Variants in EXOC4 observed in about 807,000 individuals in gnomAD.
EXOC4 encodes exocyst complex component 4.
EXOC4 carries 71 observed loss-of-function variants against 107.2 expected under a neutral mutation model. That is an observed-to-expected ratio of 0.66 (90% CI 0.55 to 0.81). EXOC4 has a LOEUF of 0.81. Ranked by LOEUF, EXOC4 falls within the 30% of genes least tolerant of loss-of-function variation. The pLI is 0.00. For missense variants in EXOC4, 1,108 were observed against 1,189.6 expected (o/e 0.93, Z 1.01); for synonymous variants, 456 against 441.2 (o/e 1.03, Z -0.42).
intron 5 of EXOC4, among the ~76,000 whole-genome samples, chr7:133,337,417 A>AT (rs1186755612): frequency 6.6e-6 from 1 of 151,494 alleles, no homozygotes; most frequent in African/African-American, 2.4e-5. Context: ...TTTTCTTATA[A>AT]TTTTTTCTGT....
the EXOC4 span, among the ~76,000 whole-genome samples, chr7:134,092,104 A>G: frequency 1.3e-5 from 2 of 152,176 alleles, no homozygotes; most frequent in Non-Finnish European, 2.9e-5. Context: ...AGAGTTAACT[A>G]CATTACATTA....
chr7:133,423,417 T>C (rs189900314), intron 7 of EXOC4, among the ~76,000 whole-genome samples: 1 of 152,306 alleles, frequency 6.6e-6, no homozygotes. Context: ...AGGTAAGCAA[T>C]ATGTACGCCA....
downstream of EXOC4, among the ~76,000 whole-genome samples, chr7:134,069,866 G>A (rs1259663147): frequency 2.0e-5 from 3 of 152,152 alleles, no homozygotes; most frequent in Admixed American, 6.5e-5. Context: ...ACTTTGGTGT[G>A]TAGCTGTGGC....
At chr7:133,537,844 A>G (rs1712506508) in intron 9 of EXOC4, among the ~76,000 whole-genome samples, 1 of 152,226 alleles carries the variant, frequency 6.6e-6, no homozygotes, top group Non-Finnish European at 1.5e-5. Flanking sequence ...TGTCATCGTG[A>G]AAGAACAACT....
chr7:134,040,618 C>T (rs1441980589), intron 17 of EXOC4, among the ~76,000 whole-genome samples: 1 of 152,154 alleles, frequency 6.6e-6, no homozygotes, highest in Non-Finnish European at 1.5e-5. Flanking sequence ...AGTTTTCCAA[C>T]CAATGGAATT....
intron 12 of EXOC4, among the ~76,000 whole-genome samples, chr7:133,896,443 A>G (rs1350930853): frequency 6.6e-6 from 1 of 152,198 alleles, no homozygotes; most frequent in East Asian, 1.9e-4. Context: ...ATAGATAGGT[A>G]AAGTGCAGTA....
At chr7:133,276,465 G>C (rs1247852349) in intron 2 of EXOC4, among the ~76,000 whole-genome samples, 1 of 152,050 alleles carries the variant, frequency 6.6e-6, no homozygotes, top group Non-Finnish European at 1.5e-5. Context: ...AATGAATTTA[G>C]AATTTAAACT....
chr7:133,273,018 A>C (rs1191009363), intron 1 of EXOC4, among the ~76,000 whole-genome samples: 3 of 152,180 alleles, frequency 2.0e-5, no homozygotes, highest in Non-Finnish European at 2.9e-5. Context: ...AAGATGGCAA[A>C]CCGATCTAGT....
intron 11 of EXOC4, among the ~76,000 whole-genome samples, chr7:133,854,708 C>G (rs983340784): frequency 7.3e-5 from 11 of 151,366 alleles, no homozygotes; most frequent in Non-Finnish European, 1.2e-4. Context: ...TTGAGCCCTC[C>G]TAACTCCCAC....
At chr7:133,308,243 A>G (rs1422152803) in intron 4 of EXOC4, among the ~76,000 whole-genome samples, 1 of 152,312 alleles carries the variant, frequency 6.6e-6, no homozygotes, top group South Asian at 2.1e-4. Flanking sequence ...GGGCTGAATT[A>G]TGTTCCCCCT....
At chr7:133,749,312 T>C (rs1795741101) in intron 10 of EXOC4, among the ~76,000 whole-genome samples, 2 of 152,182 alleles carry the variant, frequency 1.3e-5, no homozygotes, top group Admixed American at 1.3e-4. Context: ...TCCATATCTC[T>C]GGGTCCTGAT....
At chr7:133,453,596 T>TC (rs557825869) in intron 7 of EXOC4, among the ~76,000 whole-genome samples, 1 of 152,162 alleles carries the variant, frequency 6.6e-6, no homozygotes, top group African/African-American at 2.4e-5. Context: ...TTGTTTTTTT[T>TC]CCTATTGTAT....
At chr7:133,323,836 A>G (rs1354231992) in intron 5 of EXOC4, among the ~76,000 whole-genome samples, 8 of 151,836 alleles carry the variant, frequency 5.3e-5, no homozygotes, top group Admixed American at 5.2e-4. Context: ...AATCCATCTG[A>G]TCCTGGACTT....
At chr7:133,616,771 G>A (rs549822471) in intron 9 of EXOC4, among the ~76,000 whole-genome samples, 4 of 152,074 alleles carry the variant, frequency 2.6e-5, no homozygotes, top group Admixed American at 1.3e-4. Flanking sequence ...TTCTCATTTA[G>A]AATCTGCTAG....
chr7:133,263,386 T>G (rs1396112303), intron 1 of EXOC4, among the ~76,000 whole-genome samples: 1 of 142,962 alleles, frequency 7.0e-6, no homozygotes, highest in Non-Finnish European at 1.5e-5. Flanking sequence ...TTTTTTTTTT[T>G]TTTTTTTTTT....
At chr7:133,447,454 G>T (rs960397444) in intron 7 of EXOC4, 3 of 151,882 alleles carry the variant, frequency 2.0e-5, no homozygotes, top group Non-Finnish European at 4.4e-5. Context: ...GGAAAATACA[G>T]AAAAATGAAA....
chr7:133,683,601 A>C (rs1158694095), intron 10 of EXOC4, among the ~76,000 whole-genome samples: 1 of 152,194 alleles, frequency 6.6e-6, no homozygotes, highest in Non-Finnish European at 1.5e-5. Flanking sequence ...AATTATGAAA[A>C]TAATTTCTAG....
At chr7:133,465,149 C>A (rs928304404) in intron 7 of EXOC4, among the ~76,000 whole-genome samples, 2 of 151,902 alleles carry the variant, frequency 1.3e-5, no homozygotes, top group Admixed American at 1.3e-4. Flanking sequence ...TAAGATAATT[C>A]TAGAGTTTGG....
intron 6 of EXOC4, among the ~76,000 whole-genome samples, chr7:133,366,602 A>AT (rs1470106850): frequency 6.6e-6 from 1 of 152,016 alleles, no homozygotes; most frequent in Non-Finnish European, 1.5e-5. Flanking sequence ...TGTGTGAAAT[A>AT]TTTTTTATTG....
Sources: allele counts gnomAD v4.1 joint callset (sites outside exome capture counted in the v4.1 genomes callset), GRCh38; gene constraint gnomAD v4.1.1; transcripts MANE v1.5; gene names NCBI Gene and HGNC (gene_info 2026-07-23, HGNC 2026-07-21).